The following SLX4IP variants were observed in gnomAD, a reference collection of about 807,000 sequenced individuals.
SLX4IP encodes protein SLX4IP.
Under a neutral mutation model 32.9 loss-of-function variants are expected in SLX4IP, and 34 were observed. The observed-to-expected ratio is 1.03, with a 90% CI of 0.79 to 1.38. SLX4IP has a LOEUF of 1.38. Ranked by LOEUF, SLX4IP falls within the 40% of genes most tolerant of loss-of-function variation. The pLI is 0.00. For synonymous variants in SLX4IP, 172 were observed against 171.7 expected, an observed-to-expected ratio of 1.00 and a Z score of -0.01; for missense variants, 444 against 479.0, an observed-to-expected ratio of 0.93 and a Z score of 0.68.
chr20:10,438,786 T>C (rs1748551526), intron 1 of SLX4IP, among the ~76,000 whole-genome samples: 1 of 152,146 alleles, frequency 6.6e-6, no homozygotes, highest in African/African-American at 2.4e-5. Context: ...CCTAGGTTTT[T>C]ATCTAACTGC....
intron 2 of SLX4IP, among the ~76,000 whole-genome samples, chr20:10,550,683 A>G (rs1600991729): frequency 1.3e-5 from 2 of 152,006 alleles, no homozygotes; most frequent in African/African-American, 4.8e-5. Flanking sequence ...TTCCTGCCCT[A>G]TTGGCCCCAT....
rs144417994 is a variant in SLX4IP at position 10,490,227 on chromosome 20, G to A, written c.27+31996G>A. ...TTAGACTAAAACTAACTTTGGATAAGTCCATGTATAAAATTCTTTATGAGT... is the reference window on the plus strand; with the variant it reads ...TTAGACTAAAACTAACTTTGGATAAATCCATGTATAAAATTCTTTATGAGT... On this transcript the variant is annotated intron_variant, in intron 2 of 7. Coordinates refer to ENST00000334534, the MANE Select transcript of SLX4IP (RefSeq NM_001009608.3). Among the ~76,000 whole-genome samples, 606 of 151,724 alleles carry A rather than the reference G, an allele frequency of 4.0e-3. 7 individuals are homozygous for A. Among genetic ancestry groups the A allele is most frequent in the African/African-American group, 0.014 (571 of 41,364 alleles).
chr20:10,443,049 T>C (rs935048801), intron 1 of SLX4IP, among the ~76,000 whole-genome samples: 2 of 152,214 alleles, frequency 1.3e-5, no homozygotes, highest in Non-Finnish European at 2.9e-5. Context: ...TCTGGGTATG[T>C]GTTTATATGA....
At chr20:10,486,657 GC>G (rs2065576910) in intron 2 of SLX4IP, among the ~76,000 whole-genome samples, 5 of 152,136 alleles carry the variant, frequency 3.3e-5, no homozygotes, top group Non-Finnish European at 7.4e-5. Context: ...ATATAAAATA[GC>G]TTGTTATTGT....
At chr20:10,576,292 G>A (rs917439931) in intron 4 of SLX4IP, among the ~76,000 whole-genome samples, 2 of 152,154 alleles carry the variant, frequency 1.3e-5, no homozygotes, top group African/African-American at 4.8e-5. Flanking sequence ...AAGTGAATTT[G>A]CCACAGATTC....
intron 2 of SLX4IP, among the ~76,000 whole-genome samples, chr20:10,554,246 A>G (rs750986270): frequency 9.9e-5 from 15 of 152,186 alleles, no homozygotes; most frequent in Non-Finnish European, 1.9e-4. Context: ...CTTTTGCTCA[A>G]CCTAATGTTT....
chr20:10,578,059 A>AT (rs908490706), intron 4 of SLX4IP, among the ~76,000 whole-genome samples: 1 of 152,182 alleles, frequency 6.6e-6, no homozygotes, highest in Non-Finnish European at 1.5e-5. Context: ...AATACTTCTC[A>AT]TTTTTTTAAT....
chr20:10,465,801 C>T (rs142396916), intron 2 of SLX4IP, among the ~76,000 whole-genome samples: 213 of 152,358 alleles, frequency 1.4e-3, no homozygotes, highest in African/African-American at 5.0e-3. Flanking sequence ...CCACTGTGCC[C>T]GGCCTACAAA....
intron 2 of SLX4IP, among the ~76,000 whole-genome samples, chr20:10,464,714 G>T (rs1416877784): frequency 6.6e-6 from 1 of 152,132 alleles, no homozygotes; most frequent in African/African-American, 2.4e-5. Context: ...ACTGCCCTTG[G>T]AATGGCATTA....
intron 6 of SLX4IP, among the ~76,000 whole-genome samples, chr20:10,611,367 G>C (rs2066964655): frequency 6.6e-6 from 1 of 152,202 alleles, no homozygotes; most frequent in Non-Finnish European, 1.5e-5. Flanking sequence ...TTTGTCTCAT[G>C]CCCCTGAAAA....
At chr20:10,620,785 G>A (rs1013021899) in intron 6 of SLX4IP, among the ~76,000 whole-genome samples, 9 of 152,172 alleles carry the variant, frequency 5.9e-5, no homozygotes, top group African/African-American at 1.7e-4. Context: ...TCGATCTCCT[G>A]ACCTCGTGAT....
At chr20:10,459,064 G>A (rs1346389650) in intron 2 of SLX4IP, among the ~76,000 whole-genome samples, 4 of 152,180 alleles carry the variant, frequency 2.6e-5, no homozygotes, top group Non-Finnish European at 2.9e-5. Context: ...TCTCACTGGC[G>A]TGAGATGGTA....
intron 1 of SLX4IP, among the ~76,000 whole-genome samples, chr20:10,436,000 T>A (rs1895586805): frequency 6.6e-6 from 1 of 152,250 alleles, no homozygotes; most frequent in South Asian, 2.1e-4. Context: ...ACTGCTAGAC[T>A]GTATAAACAA....
chr20:10,458,464 A>G (rs1355385017), intron 2 of SLX4IP, among the ~76,000 whole-genome samples: 3 of 152,028 alleles, frequency 2.0e-5, no homozygotes, highest in Admixed American at 6.5e-5. Context: ...TCATCCCATG[A>G]CTTAGGTATT....
At chr20:10,519,362 TCTC>T (rs1417008690) in intron 2 of SLX4IP, among the ~76,000 whole-genome samples, 16 of 152,214 alleles carry the variant, frequency 1.1e-4, no homozygotes, top group Non-Finnish European at 1.9e-4. Context: ...CAGCAGTCAT[TCTC>T]CTCATCTCTG....
At chr20:10,572,692 ACTGTGGTTT>A (rs2066479096) in intron 4 of SLX4IP, among the ~76,000 whole-genome samples, 1 of 152,162 alleles carries the variant, frequency 6.6e-6, no homozygotes, top group South Asian at 2.1e-4. Context: ...TTTCCTGGGT[ACTGTGGTTT>A]CTGTCTGCAG....
At chr20:10,571,981 C>T (rs2066471694) in intron 4 of SLX4IP, among the ~76,000 whole-genome samples, 1 of 152,118 alleles carries the variant, frequency 6.6e-6, no homozygotes, top group Non-Finnish European at 1.5e-5. Flanking sequence ...TTCCCTTCAG[C>T]CCCACCCCAC....
chr20:10,615,887 C>A (rs1478218819), intron 6 of SLX4IP, among the ~76,000 whole-genome samples: 1 of 151,848 alleles, frequency 6.6e-6, no homozygotes, highest in African/African-American at 2.4e-5. Context: ...TTCCTTCAGG[C>A]CCTTTTATAA....
intron 6 of SLX4IP, chr20:10,614,005 T>C (rs1486719234): frequency 7.9e-7 from 1 of 1,273,274 alleles, no homozygotes; most frequent in African/African-American, 1.5e-5. Context: ...CTCTGTTCTC[T>C]GTCACCGAGA....
Sources: allele counts gnomAD v4.1 joint callset (sites outside exome capture counted in the v4.1 genomes callset), GRCh38; gene constraint gnomAD v4.1.1; transcripts MANE v1.5; gene names NCBI Gene and HGNC (gene_info 2026-07-23, HGNC 2026-07-21).